Variants in KHDRBS2 observed in about 807,000 individuals in gnomAD.
KHDRBS2 encodes the protein KH RNA binding domain containing, signal transduction associated 2, also known as KH domain-containing, RNA-binding, signal transduction-associated protein 2.
KHDRBS2 carries 26 observed loss-of-function variants against 44.3 expected under a neutral mutation model. That is an observed-to-expected ratio of 0.59 (90% CI 0.43 to 0.81). The LOEUF (loss-of-function observed/expected upper bound fraction) is 0.81. Ranked by LOEUF, KHDRBS2 falls within the 40% of genes least tolerant of loss-of-function variation. The pLI is 0.00. For synonymous variants in KHDRBS2, 194 were observed against 151.1 expected (o/e 1.28, Z -2.08); for missense variants, 476 against 433.1 (o/e 1.10, Z -0.88).
intron 2 of KHDRBS2, among the ~76,000 whole-genome samples, chr6:62,076,987 A>G (rs1476287947): frequency 6.6e-6 from 1 of 151,986 alleles, no homozygotes; most frequent in African/African-American, 2.4e-5. Context: ...TGAAGACTGC[A>G]ATGAACTATG....
At chr6:61,929,176 T>C (rs1202684603) in intron 4 of KHDRBS2, among the ~76,000 whole-genome samples, 2 of 152,028 alleles carry the variant, frequency 1.3e-5, no homozygotes, top group Non-Finnish European at 1.5e-5. Context: ...CAGAAAACAA[T>C]GGGAAGAAGT....
intron 1 of KHDRBS2, among the ~76,000 whole-genome samples, chr6:62,180,623 T>A (rs1822070929): frequency 6.6e-6 from 1 of 151,758 alleles, no homozygotes; most frequent in Admixed American, 6.6e-5. Context: ...AATACCCCAA[T>A]AACCTAAAGA....
intron 4 of KHDRBS2, among the ~76,000 whole-genome samples, chr6:61,915,407 A>G (rs965843384): frequency 2.0e-5 from 3 of 152,026 alleles, no homozygotes; most frequent in Non-Finnish European, 4.4e-5. Context: ...TGACTCAACT[A>G]AGTATTTCTC....
At chr6:61,962,505 T>G (rs1215738057) in intron 4 of KHDRBS2, among the ~76,000 whole-genome samples, 25 of 152,090 alleles carry the variant, frequency 1.6e-4, no homozygotes, top group Non-Finnish European at 3.5e-4. Context: ...CAAAGTTATT[T>G]TTTTTAATAC....
At chr6:62,052,987 C>T (rs1789416395) in intron 2 of KHDRBS2, among the ~76,000 whole-genome samples, 2 of 151,918 alleles carry the variant, frequency 1.3e-5, no homozygotes, top group Admixed American at 1.3e-4. Flanking sequence ...ATTTTGGCTG[C>T]ACTTGCCACA....
chr6:62,189,902 T>C (rs142069868), intron 1 of KHDRBS2, among the ~76,000 whole-genome samples: 9 of 152,122 alleles, frequency 5.9e-5, no homozygotes, highest in African/African-American at 2.2e-4. Flanking sequence ...TAATAAGAGA[T>C]GTAGAATCAG....
Position 62,093,902 on chromosome 6 carries a change from TTTTC to T in KHDRBS2, c.220-45912_220-45909del, listed in dbSNP as rs548841935. Among the ~76,000 whole-genome samples the T allele has an allele frequency of 1.4e-3, 188 of 136,568 alleles. 1 individual carries two copies. Among genetic ancestry groups the T allele is most frequent in the African/African-American group, 4.5e-3 (171 of 38,158 alleles). The allele number at this position is 136,568 out of a possible 152,430, so 89.6% of individuals were successfully genotyped here. A position where few individuals can be genotyped will look rare whatever the true frequency, so the allele number is the denominator to read the frequency against. ...TGTGTGTGTGTGTGTGTATATCACA[TTTTC>T]TTTATCAATTCATCCACTGATAGAC... On this transcript the variant is annotated intron_variant, in intron 2 of 8. Coordinates refer to ENST00000281156, the MANE Select transcript of KHDRBS2 (RefSeq NM_152688.4).
intron 6 of KHDRBS2, among the ~76,000 whole-genome samples, chr6:61,845,806 G>A (rs934599049): frequency 3.9e-5 from 6 of 152,094 alleles, no homozygotes; most frequent in Admixed American, 6.6e-5. Flanking sequence ...CACACCTCTT[G>A]TTTCTTTACT....
At chr6:61,957,524 T>C (rs564508259) in intron 4 of KHDRBS2, among the ~76,000 whole-genome samples, 1 of 152,302 alleles carries the variant, frequency 6.6e-6, no homozygotes, top group African/African-American at 2.4e-5. Flanking sequence ...GGCTGTCTTT[T>C]ACGGTCATAG....
At chr6:61,553,440 TC>T in the KHDRBS2 span, among the ~76,000 whole-genome samples, 3 of 151,234 alleles carry the variant, frequency 2.0e-5, no homozygotes, top group Admixed American at 1.3e-4. Flanking sequence ...ATTTATTTCT[TC>T]AGAAAACCAA....
chr6:62,224,256 C>A (rs754407895), intron 1 of KHDRBS2, among the ~76,000 whole-genome samples: 6 of 152,110 alleles, frequency 3.9e-5, no homozygotes, highest in African/African-American at 7.2e-5. Flanking sequence ...ATAAAGCCAT[C>A]AGATCTTGTG....
chr6:61,732,638 A>C (rs1774663671), intron 7 of KHDRBS2, 44 bp downstream of exon 7: 22 of 1,081,574 alleles, frequency 2.0e-5, no homozygotes, highest in Non-Finnish European at 3.1e-5. Flanking sequence ...AAAATTGATT[A>C]GAGATAATCC....
At chr6:61,796,642 A>G (rs1477923715) in intron 6 of KHDRBS2, among the ~76,000 whole-genome samples, 1 of 152,134 alleles carries the variant, frequency 6.6e-6, no homozygotes, top group Non-Finnish European at 1.5e-5. Flanking sequence ...GAATCTACAC[A>G]AATGCTTAAA....
At chr6:62,127,637 G>T (rs1219519331) in intron 2 of KHDRBS2, among the ~76,000 whole-genome samples, 1 of 151,728 alleles carries the variant, frequency 6.6e-6, no homozygotes, top group Non-Finnish European at 1.5e-5. Context: ...TTTTCTGTTA[G>T]AATCTGCTAG....
At chr6:62,260,626 CT>C (rs1482067151) in intron 1 of KHDRBS2, among the ~76,000 whole-genome samples, 1 of 151,800 alleles carries the variant, frequency 6.6e-6, no homozygotes, top group Non-Finnish European at 1.5e-5. Context: ...ATTAATCTTG[CT>C]TTTTTACCTG....
chr6:62,142,487 G>A (rs1405644902), intron 2 of KHDRBS2, among the ~76,000 whole-genome samples: 8 of 151,962 alleles, frequency 5.3e-5, no homozygotes, highest in East Asian at 1.9e-4. Context: ...CACTGTGTTC[G>A]TTTTACGTGC....
chr6:61,924,230 C>A (rs1431245788), intron 4 of KHDRBS2, among the ~76,000 whole-genome samples: 3 of 152,016 alleles, frequency 2.0e-5, no homozygotes, highest in Admixed American at 1.3e-4. Context: ...GTTATCAATT[C>A]TCCTGAAATT....
At chr6:61,682,774 C>A (rs1457238422) in intron 8 of KHDRBS2, among the ~76,000 whole-genome samples, 2 of 151,758 alleles carry the variant, frequency 1.3e-5, no homozygotes, top group Non-Finnish European at 2.9e-5. Context: ...TATCCCCAAA[C>A]CATTTGACTT....
At position 62,269,131 on chromosome 6, in the gene KHDRBS2, C is replaced by T. The variant is rs577061834; in HGVS notation, c.91+16727G>A. 2.0e-5 allele frequency among the ~76,000 whole-genome samples: 3 copies of T among 152,038 alleles called. No homozygotes were observed. In the East Asian group the frequency reaches 5.8e-4, roughly 29 times the overall value. Reference sequence around the variant, plus strand: ...TGGGACATAAACCTATACTTAAAAGCTAAAACCATAAAGCTTCTAGAAGAA... The same window carrying T: ...TGGGACATAAACCTATACTTAAAAGTTAAAACCATAAAGCTTCTAGAAGAA... On this transcript the variant is annotated intron_variant, in intron 1 of 8. Coordinates refer to ENST00000281156, the MANE Select transcript of KHDRBS2 (RefSeq NM_152688.4).
Sources: gnomAD v4.1 joint callset for allele counts (sites outside exome capture counted in the v4.1 genomes callset) on GRCh38, gnomAD v4.1.1 for gene constraint, MANE v1.5 for transcripts, NCBI Gene and HGNC (gene_info 2026-07-23, HGNC 2026-07-21) for gene names.